The following EXOC3L2 variants were observed in gnomAD, a reference collection of about 807,000 sequenced individuals.
EXOC3L2 encodes the protein exocyst complex component 3-like protein 2.
In EXOC3L2, 17 loss-of-function variants were observed where a neutral mutation model predicts 44.4. The ratio of observed to expected loss-of-function variants is 0.38; its 90% CI spans 0.26 to 0.57. The LOEUF is 0.57. Ranked by LOEUF, EXOC3L2 falls within the 20% of genes least tolerant of loss-of-function variation. EXOC3L2 has a pLI of 0.65. For missense variants in EXOC3L2, 541 were observed against 588.4 expected (o/e 0.92, Z 0.83); for synonymous variants, 256 against 253.7 (o/e 1.01, Z -0.09).
Position 45,217,505 on chromosome 19 carries a change from C to G in EXOC3L2, c.1998+23G>C, listed in dbSNP as rs1364562794. 1.9e-6 allele frequency: 3 copies of G among 1,562,722 alleles called. No individual in the cohort carries two copies. In the African/African-American group the frequency reaches 4.2e-5, roughly 22 times the overall value. Reference sequence around the variant, plus strand: ...GCCTTGTCCTGGTTTCTGAAACACCCCCAACCGCGTCCCGACACTGACCAG... The same window carrying G: ...GCCTTGTCCTGGTTTCTGAAACACCGCCAACCGCGTCCCGACACTGACCAG... On this transcript the variant is annotated intron_variant, in intron 10 of 11. Coordinates refer to ENST00000413988, the MANE Select transcript of EXOC3L2 (RefSeq NM_001382422.1).
intron 1 of EXOC3L2, among the ~76,000 whole-genome samples, chr19:45,243,778 C>T (rs1970148692): frequency 6.6e-6 from 1 of 151,856 alleles, no homozygotes; most frequent in African/African-American, 2.4e-5. Context: ...TACAGGTGCC[C>T]ACCACCACGC....
intron 1 of EXOC3L2, 92 bp from the exon 2 acceptor site, chr19:45,239,153 G>A (rs1324980917): frequency 1.5e-5 from 6 of 395,880 alleles, no homozygotes; most frequent in African/African-American, 4.1e-5. Flanking sequence ...TGGGGTGAGC[G>A]TACCAGACAC....
rs775909211 is a variant in EXOC3L2, at chr19:45,224,814, G to T, written c.1683C>A (p.His561Gln). The T allele has an allele frequency of 1.9e-6, 3 of 1,576,644 alleles. No individual in the cohort carries two copies. The highest frequency in any genetic ancestry group is 2.6e-6 in the Non-Finnish European group (3 of 1,161,246). ...SALDHVTRLCHRVVANLLFQE... is the reference protein window; with the variant it reads ...SALDHVTRLCQRVVANLLFQE... ...GGAACAGCAGGTTGGCCACGACACG[G>T]TGGCAGAGCCGGGTCACATGGTCCA... The change falls in exon 8 of 12, where the codon CAC (histidine) becomes CAA (glutamine). Residue 561 changes from histidine (H) to glutamine (Q), a missense_variant. Physicochemically the swap from His to Gln is conservative, Grantham distance 24. Transcript: ENST00000413988.
chr19:45,229,637 G>A (rs1369892418), intron 4 of EXOC3L2, among the ~76,000 whole-genome samples: 11 of 149,382 alleles, frequency 7.4e-5, no homozygotes, highest in Non-Finnish European at 1.5e-4. Flanking sequence ...CCTGAGGTTG[G>A]GAGTTCAAGA....
At chr19:45,224,025 G>A (rs1444471744) in intron 8 of EXOC3L2, among the ~76,000 whole-genome samples, 1 of 152,016 alleles carries the variant, frequency 6.6e-6, no homozygotes, top group Non-Finnish European at 1.5e-5. Context: ...GGCATGAGAG[G>A]CAGCTATGTG....
chr19:45,232,842 C>T (rs1568483622), intron 3 of EXOC3L2, among the ~76,000 whole-genome samples: 1 of 152,106 alleles, frequency 6.6e-6, no homozygotes, highest in Admixed American at 6.6e-5. Flanking sequence ...CTTTGGGAGG[C>T]CAAGGTGGGT....
chr19:45,241,461 GA>G (rs1303199072), intron 1 of EXOC3L2, among the ~76,000 whole-genome samples: 2 of 139,234 alleles, frequency 1.4e-5, no homozygotes, highest in African/African-American at 5.5e-5. Flanking sequence ...CTGGGCGACA[GA>G]GCAAGACTCC....
chr19:45,218,158 T>TGGC, intron 9 of EXOC3L2, 39 bp downstream of exon 9: 171 of 1,034,828 alleles, frequency 1.7e-4, no homozygotes, highest in Non-Finnish European at 2.1e-4. Context: ...TCCCCTCTTT[T>TGGC]CCCCCACCCC....
intron 11 of EXOC3L2, 51 bp downstream of exon 11, chr19:45,216,022 A>C: frequency 6.2e-7 from 1 of 1,604,580 alleles, no homozygotes; most frequent in Non-Finnish European, 8.5e-7. Context: ...CAAGGCCGCC[A>C]GGAGACCTCG....
intron 2 of EXOC3L2, among the ~76,000 whole-genome samples, chr19:45,236,545 A>G (rs1445233293): frequency 6.6e-6 from 1 of 151,084 alleles, no homozygotes. Context: ...GGGAATAGGA[A>G]CATGGATGGA....
chr19:45,228,121 C>T, intron 5 of EXOC3L2, 44 bp downstream of exon 5: 1 of 1,613,782 alleles, frequency 6.2e-7, no homozygotes, highest in Non-Finnish European at 8.5e-7. Flanking sequence ...GGCAAGGTCC[C>T]ACTTTCCATC....
At chr19:45,215,809 G>A (rs1215427043) in intron 11 of EXOC3L2, among the ~76,000 whole-genome samples, 2 of 152,182 alleles carry the variant, frequency 1.3e-5, no homozygotes, top group Non-Finnish European at 2.9e-5. Flanking sequence ...CTGCCTCCAG[G>A]CAGCCCTGCG....
intron 11 of EXOC3L2, among the ~76,000 whole-genome samples, chr19:45,215,778 TC>T (rs1364443387): frequency 6.6e-6 from 1 of 152,080 alleles, no homozygotes; most frequent in African/African-American, 2.4e-5. Flanking sequence ...CCCCTGCGGC[TC>T]CCCTGCGGGC....
At position 45,227,763 on chromosome 19, in the gene EXOC3L2, C is replaced by T. The variant is rs1336506878; in HGVS notation, c.1482G>A (p.Gln494=). Residue 494 remains glutamine (Q), a synonymous_variant, in exon 7 of 12, where the codon CAG becomes CAA. Transcript: ENST00000413988. ...GLAEFLQSFQ[Q]RVERFHENPA... Reference sequence around the variant, plus strand: ...GGTTCTCATGGAATCGCTCCACACGCTGCTGGAAGCTGGTGGGAGGAAAGG... The same window carrying T: ...GGTTCTCATGGAATCGCTCCACACGTTGCTGGAAGCTGGTGGGAGGAAAGG... The T allele has an allele frequency of 6.2e-7, 1 of 1,611,094 alleles. No individual in the cohort carries two copies. Among genetic ancestry groups the T allele is most frequent in the East Asian group, 2.2e-5 (1 of 44,810 alleles).
chr19:45,222,851 A>G (rs1428711361), intron 8 of EXOC3L2, among the ~76,000 whole-genome samples: 1 of 152,222 alleles, frequency 6.6e-6, no homozygotes, highest in Non-Finnish European at 1.5e-5. Flanking sequence ...AAATGAATCT[A>G]CAACCCATCT....
chr19:45,215,636 T>C (rs1202840822), intron 11 of EXOC3L2, among the ~76,000 whole-genome samples: 3 of 152,164 alleles, frequency 2.0e-5, no homozygotes, highest in Non-Finnish European at 4.4e-5. Flanking sequence ...ACTATCCCCA[T>C]GGAACGGATG....
At chr19:45,223,666 A>G (rs186729499) in intron 8 of EXOC3L2, among the ~76,000 whole-genome samples, 79 of 150,418 alleles carry the variant, frequency 5.3e-4, no homozygotes, top group Middle Eastern at 6.9e-3. Flanking sequence ...AAATGGGGCA[A>G]TCAGCGAAGG....
chr19:45,241,109 A>G (rs1232894546), intron 1 of EXOC3L2, among the ~76,000 whole-genome samples: 10 of 151,784 alleles, frequency 6.6e-5, no homozygotes, highest in Admixed American at 6.6e-4. Context: ...CCCAAGCGGA[A>G]CCCTTGCCCA....
At chr19:45,227,630 T>C (rs564510845) in intron 7 of EXOC3L2, 32 bp downstream of exon 7, 1 of 1,577,946 alleles carries the variant, frequency 6.3e-7, no homozygotes, top group East Asian at 2.3e-5. Context: ...CTTGGATTGG[T>C]CCTCCCTCCA....
Sources: gnomAD v4.1 joint callset for allele counts (sites outside exome capture counted in the v4.1 genomes callset) on GRCh38, gnomAD v4.1.1 for gene constraint, MANE v1.5 for transcripts, NCBI Gene and HGNC (gene_info 2026-07-23, HGNC 2026-07-21) for gene names.